The following ZNRF3 variants were observed in gnomAD, a reference collection of about 807,000 sequenced individuals.
ZNRF3 encodes E3 ubiquitin-protein ligase ZNRF3.
A neutral mutation model predicts 72.5 loss-of-function variants in ZNRF3; 23 were observed. The ratio of observed to expected loss-of-function variants is 0.32; its 90% CI spans 0.23 to 0.45. The LOEUF is 0.45. Among genes scored for constraint, ZNRF3 ranks in the 20% least tolerant of loss-of-function variants. The pLI is 1.00. For missense variants in ZNRF3, 1,169 were observed against 1,272.1 expected (o/e 0.92, Z 1.23); for synonymous variants, 610 against 545.3 (o/e 1.12, Z -1.65).
chr22:28,915,852 G>A (rs1008083392), intron 1 of ZNRF3, among the ~76,000 whole-genome samples: 8 of 152,078 alleles, frequency 5.3e-5, no homozygotes, highest in Non-Finnish European at 1.5e-5. Flanking sequence ...CACGGGCACC[G>A]CCCCCATATC....
At chr22:28,945,145 G>A (rs546385350) in intron 1 of ZNRF3, among the ~76,000 whole-genome samples, 1,752 of 142,822 alleles carry the variant, frequency 0.012, 25 homozygotes, top group Non-Finnish European at 0.02. Context: ...ATGAGACCCT[G>A]TCTCAAAAAA....
At chr22:28,931,907 G>A (rs2034714362) in intron 1 of ZNRF3, among the ~76,000 whole-genome samples, 1 of 152,210 alleles carries the variant, frequency 6.6e-6, no homozygotes, top group African/African-American at 2.4e-5. Context: ...TTGGTCAAAT[G>A]GCAAAATACA....
At chr22:29,002,221 C>T (rs1252854816) in intron 2 of ZNRF3, among the ~76,000 whole-genome samples, 1 of 152,190 alleles carries the variant, frequency 6.6e-6, no homozygotes, top group Non-Finnish European at 1.5e-5. Context: ...GAGCCACTGC[C>T]AAATCTCCTC....
At chr22:28,973,862 A>G (rs193054407) in intron 1 of ZNRF3, among the ~76,000 whole-genome samples, 2 of 152,310 alleles carry the variant, frequency 1.3e-5, no homozygotes, top group Admixed American at 6.5e-5. Context: ...ACTCAAGGTT[A>G]CAAAAAACCA....
At chr22:29,006,862 C>G (rs953478928) in intron 2 of ZNRF3, among the ~76,000 whole-genome samples, 3 of 152,188 alleles carry the variant, frequency 2.0e-5, no homozygotes, top group Admixed American at 6.5e-5. Context: ...TTGATAAAGT[C>G]TTAGCCCAGG....
chr22:29,012,401 C>T (rs1001730818), intron 2 of ZNRF3, among the ~76,000 whole-genome samples: 4 of 152,216 alleles, frequency 2.6e-5, no homozygotes, highest in Non-Finnish European at 4.4e-5. Flanking sequence ...AACCTGCCCA[C>T]GCCAGTGTTG....
intron 1 of ZNRF3, among the ~76,000 whole-genome samples, chr22:28,946,803 A>G (rs1001831735): frequency 2.0e-5 from 3 of 152,146 alleles, no homozygotes; most frequent in African/African-American, 7.2e-5. Context: ...GGCTGTTGAT[A>G]GTTGAAAGAT....
At chr22:28,920,055 C>T (rs528943954) in intron 1 of ZNRF3, among the ~76,000 whole-genome samples, 2 of 148,580 alleles carry the variant, frequency 1.3e-5, no homozygotes, top group South Asian at 4.3e-4. Flanking sequence ...AACCTCTGCA[C>T]CTACCCTGGA....
intron 1 of ZNRF3, among the ~76,000 whole-genome samples, chr22:28,957,685 C>T (rs1230284832): frequency 1.3e-5 from 2 of 151,802 alleles, no homozygotes; most frequent in Non-Finnish European, 2.9e-5. Context: ...GTGATCCGCT[C>T]GCCTCGGCCT....
chr22:29,045,473 G>A (rs1462159866), intron 5 of ZNRF3, among the ~76,000 whole-genome samples: 2 of 151,632 alleles, frequency 1.3e-5, no homozygotes, highest in African/African-American at 4.8e-5. Context: ...CAGGTGTTTC[G>A]AAGGAAGTGT....
At chr22:29,039,365 C>A (rs150295361) in intron 2 of ZNRF3, among the ~76,000 whole-genome samples, 2 of 152,156 alleles carry the variant, frequency 1.3e-5, no homozygotes, top group African/African-American at 4.8e-5. Context: ...TGCATCAAAG[C>A]GCACAGGTAC....
rs1249267799 is a variant in ZNRF3 at position 29,049,606 on chromosome 22, G to A, written c.1425G>A (p.Gln475=). The change falls in exon 8 of 9, where the codon CAG becomes CAA. Residue 475 remains glutamine, a synonymous_variant. Transcript: ENST00000544604. The surrounding 1 kb of genome is among the most constrained non-coding windows in gnomAD (Gnocchi z 5.2). The part of the protein sequence containing the change: ...YETMYQHYYF[Q]GLSYPEQEGQ... ...CCATGTACCAGCACTACTACTTCCA[G>A]GGCCTCAGCTACCCGGAGCAGGAGG... is the stretch of plus-strand genomic sequence containing the variant. 1.2e-6 allele frequency: 2 copies of A among 1,609,858 alleles called. No homozygotes were observed. The highest frequency in any genetic ancestry group is 2.2e-5 in the East Asian group (1 of 44,846).
intron 2 of ZNRF3, among the ~76,000 whole-genome samples, 160 bp downstream of exon 2, chr22:28,987,361 A>G (rs2035873354): frequency 6.6e-6 from 1 of 152,256 alleles, no homozygotes; most frequent in African/African-American, 2.4e-5. Flanking sequence ...CATGCCTTGC[A>G]GTGGCCCACC....
chr22:29,046,105 T>C (rs1039818008), intron 5 of ZNRF3, among the ~76,000 whole-genome samples: 2 of 151,858 alleles, frequency 1.3e-5, no homozygotes, highest in African/African-American at 4.9e-5. Context: ...CCACATCACT[T>C]TGTGCTTGCA....
intron 2 of ZNRF3, among the ~76,000 whole-genome samples, chr22:29,037,632 A>G (rs2036889927): frequency 6.6e-6 from 1 of 152,194 alleles, no homozygotes. Context: ...TTAAGGGCGC[A>G]AGTGTTTGCT....
intron 1 of ZNRF3, among the ~76,000 whole-genome samples, chr22:28,898,856 T>G (rs1404427822): frequency 6.6e-6 from 1 of 151,728 alleles, no homozygotes; most frequent in Non-Finnish European, 1.5e-5. Context: ...CTAGTCTTTA[T>G]GGGGCTGACT....
chr22:28,936,388 G>A lies in ZNRF3; in HGVS notation c.301-50688G>A, dbSNP rs561803021. Among the ~76,000 whole-genome samples, 3 of 152,228 alleles carry A rather than the reference G, an allele frequency of 2.0e-5. No individual in the cohort carries two copies. The South Asian group carries it at 6.2e-4, about 32-fold the overall frequency. ...ATGCCCACCCAGCATGCCACCCTGTGTGGTCTCCTGCCTTGACAAGGTGTG... is the reference window on the plus strand; with the variant it reads ...ATGCCCACCCAGCATGCCACCCTGTATGGTCTCCTGCCTTGACAAGGTGTG... On this transcript the variant is annotated intron_variant, in intron 1 of 8. Transcript: ENST00000544604.
At chr22:28,899,688 T>TG (rs2034067793) in intron 1 of ZNRF3, among the ~76,000 whole-genome samples, 1 of 150,764 alleles carries the variant, frequency 6.6e-6, no homozygotes, top group African/African-American at 2.4e-5. Flanking sequence ...CTTCTTTCTT[T>TG]CTTTCTTTTT....
intron 2 of ZNRF3, among the ~76,000 whole-genome samples, chr22:29,037,258 C>T (rs2036883906): frequency 6.6e-6 from 1 of 152,158 alleles, no homozygotes; most frequent in Non-Finnish European, 1.5e-5. Context: ...TATAACTACA[C>T]ACACTGGGGA....
Sources: gnomAD v4.1 joint callset for allele counts (sites outside exome capture counted in the v4.1 genomes callset) on GRCh38, gnomAD v4.1.1 for gene constraint, Gnocchi (gnomAD v3.1) non-coding constraint, MANE v1.5 for transcripts, NCBI Gene and HGNC (gene_info 2026-07-23, HGNC 2026-07-21) for gene names.